PRR29: variants seen among roughly 807,000 people sequenced by gnomAD.
PRR29 encodes proline rich 29.
A neutral mutation model predicts 25.1 loss-of-function variants in PRR29; 20 were observed. The observed-to-expected ratio is 0.80, with a 90% confidence interval of 0.56 to 1.16. PRR29 has a LOEUF of 1.16. Among genes scored for constraint, PRR29 ranks in the 50% most tolerant of loss-of-function variants. The pLI is 0.00. For synonymous variants in PRR29, 108 were observed against 102.6 expected, an observed-to-expected ratio of 1.05 and a Z score of -0.32; for missense variants, 238 against 246.6, an observed-to-expected ratio of 0.97 and a Z score of 0.23.
chr17:63,998,876 C>A, intron 2 of PRR29, 92 bp from the exon 3 acceptor site: 1 of 1,327,010 alleles, frequency 7.5e-7, no homozygotes, highest in Non-Finnish European at 1.0e-6. Context: ...CGCAGCACAA[C>A]CCGCCAACCC....
chr17:64,001,881 C>T lies in PRR29; in HGVS notation c.*120C>T, dbSNP rs751712574. The T allele has an allele frequency of 6.5e-7, 1 of 1,536,732 alleles. No individual in the cohort carries two copies. The highest frequency in any genetic ancestry group is 1.2e-5 in the South Asian group (1 of 84,056). On this transcript the variant is annotated 3_prime_UTR_variant, in exon 6 of 6. Coordinates refer to ENST00000412177, the MANE Select transcript of PRR29 (RefSeq NM_001164257.2). ...CCATGGCTGGCAGTCCTTCTCACTC[C>T]CTCAACCTCAGCCAGGCCCTCTTCT...
chr17:64,000,511 A>G (rs1448364363), intron 3 of PRR29, among the ~76,000 whole-genome samples: 3 of 149,736 alleles, frequency 2.0e-5, no homozygotes, highest in African/African-American at 2.5e-5. Flanking sequence ...TTGTGTTTTT[A>G]GTAGAGACGG....
In PRR29 at chr17:64,004,216, C is replaced by A; in HGVS notation, c.*2455C>A. 2.0e-6 allele frequency: 1 copy of A among 499,016 alleles called. No individual in the cohort carries two copies. Among genetic ancestry groups the A allele is most frequent in the South Asian group, 3.2e-5 (1 of 31,386 alleles). 30.9% of individuals were successfully genotyped at this position (499,016 alleles called of 1,614,324 possible). A position where few individuals can be genotyped will look rare whatever the true frequency, so the allele number is the denominator to read the frequency against. On this transcript the variant is annotated 3_prime_UTR_variant, in exon 6 of 6. Coordinates refer to ENST00000412177, the MANE Select transcript of PRR29 (RefSeq NM_001164257.2). ...CAAGGTTCAGAAATTGTACAGCCAACTGGAAAGATATAAAAGTTTGGGTCT... is the reference window on the plus strand; with the variant it reads ...CAAGGTTCAGAAATTGTACAGCCAAATGGAAAGATATAAAAGTTTGGGTCT...
chr17:64,004,023 C>A lies in PRR29; in HGVS notation c.*2262C>A, dbSNP rs1911024858. On this transcript the variant is annotated 3_prime_UTR_variant, in exon 6 of 6. Transcript: ENST00000412177. ...ATGGGGGTGCAGTCCCAGCAGCCTC[C>A]CCCTGGCCAGGGCCATCTCCTGTCA... is the stretch of plus-strand genomic sequence containing the variant. 7.4e-7 allele frequency: 1 copy of A among 1,346,570 alleles called. No individual in the cohort carries two copies. The highest frequency in any genetic ancestry group is 1.0e-6 in the Non-Finnish European group (1 of 985,860). The allele number at this position is 1,346,570 out of a possible 1,614,324, so 83.4% of individuals were successfully genotyped here.
At chr17:64,000,655 T>TC (rs1257129034) in intron 3 of PRR29, among the ~76,000 whole-genome samples, 1 of 150,246 alleles carries the variant, frequency 6.7e-6, no homozygotes, top group East Asian at 2.0e-4. Flanking sequence ...TTTTTTTTTT[T>TC]CCTTTTTTTT....
chr17:64,002,389 C>G lies in PRR29; in HGVS notation c.*628C>G. The G allele has an allele frequency of 2.5e-6, 1 of 402,040 alleles. No individual in the cohort carries two copies. Among genetic ancestry groups the G allele is most frequent in the Non-Finnish European group, 4.6e-6 (1 of 216,596 alleles). 24.9% of individuals were successfully genotyped at this position (402,040 alleles called of 1,614,324 possible). On this transcript the variant is annotated 3_prime_UTR_variant, in exon 6 of 6. Transcript: ENST00000412177. Reference sequence around the variant, plus strand: ...TGGGGCCAGGTGGGAACAGTGTGTCCTCTGCCCCCTGGGCCAGGGTGTGTT... The same window carrying G: ...TGGGGCCAGGTGGGAACAGTGTGTCGTCTGCCCCCTGGGCCAGGGTGTGTT...
intron 3 of PRR29, 58 bp downstream of exon 3, chr17:63,999,132 C>A: frequency 7.6e-7 from 1 of 1,309,066 alleles, no homozygotes; most frequent in Non-Finnish European, 1.1e-6. Flanking sequence ...TGCGGATCCA[C>A]CTGGGGTTCC....
Position 64,001,511 on chromosome 17 carries a change from TG to T in PRR29, c.518del (p.Gly173ValfsTer89). ...PPPPPSATGT[V>X]GADVPPASDY... ...CCACCCCCCAGTGCCACAGGGACTG[TG>T]GGTGCTGATGTACCCCCGGCTTCAG... On this transcript the variant is annotated frameshift_variant, in exon 5 of 6. Transcript: ENST00000412177. LOFTEE classifies it high-confidence loss of function. The T allele has an allele frequency of 1.3e-6, 2 of 1,513,778 alleles. No individual in the cohort carries two copies. Among genetic ancestry groups the T allele is most frequent in the Non-Finnish European group, 1.8e-6 (2 of 1,135,628 alleles). The allele number at this position is 1,513,778 out of a possible 1,614,324, so 93.8% of individuals were successfully genotyped here.
rs1910944365 is a variant in PRR29, at chr17:64,003,398, C to T, written c.*1637C>T. 5.5e-6 allele frequency: 3 copies of T among 543,638 alleles called. No homozygotes were observed. Among genetic ancestry groups the T allele is most frequent in the Non-Finnish European group, 9.9e-6 (3 of 304,478 alleles). 33.7% of individuals were successfully genotyped at this position (543,638 alleles called of 1,614,324 possible). On this transcript the variant is annotated 3_prime_UTR_variant, in exon 6 of 6. Coordinates refer to ENST00000412177, the MANE Select transcript of PRR29 (RefSeq NM_001164257.2). ...GAGGGGAGCCAAGGCCAGGGAGAGCCGTCAAGGTCATGGGGCTTGATGGTG... is the reference window on the plus strand; with the variant it reads ...GAGGGGAGCCAAGGCCAGGGAGAGCTGTCAAGGTCATGGGGCTTGATGGTG...
Position 64,001,775 on chromosome 17 carries a change from C to T in PRR29, c.*14C>T. The T allele has an allele frequency of 6.5e-7, 1 of 1,537,168 alleles. No individual in the cohort carries two copies. The highest frequency in any genetic ancestry group is 8.7e-7 in the Non-Finnish European group (1 of 1,146,882). On this transcript the variant is annotated 3_prime_UTR_variant, in exon 6 of 6. Coordinates refer to ENST00000412177, the MANE Select transcript of PRR29 (RefSeq NM_001164257.2). ...AGCCTCCTATGAGGACAGACCCCGG[C>T]CCTGGGAACTGCACCAGCTTCCTGC...
chr17:64,003,569 A>G lies in PRR29; in HGVS notation c.*1808A>G, dbSNP rs922346066. The G allele has an allele frequency of 2.2e-6, 3 of 1,364,814 alleles. No homozygotes were observed. Among genetic ancestry groups the G allele is most frequent in the Middle Eastern group, 3.7e-4 (2 of 5,408 alleles). The allele number at this position is 1,364,814 out of a possible 1,614,324, so 84.5% of individuals were successfully genotyped here. ...CCTGGGTGTTTGCTTCCCAAGTGGG[A>G]CTCAAGATTTTTCTTCCCCCGAGGG... is the stretch of plus-strand genomic sequence containing the variant. On this transcript the variant is annotated 3_prime_UTR_variant, in exon 6 of 6. Coordinates refer to ENST00000412177, the MANE Select transcript of PRR29 (RefSeq NM_001164257.2).
chr17:64,000,999 A>G lies in PRR29; in HGVS notation c.244-85A>G. 3 of 1,168,970 alleles carry G rather than the reference A, an allele frequency of 2.6e-6. No homozygotes were observed. In the Admixed American group the frequency reaches 6.0e-5, roughly 23 times the overall value. 72.4% of individuals were successfully genotyped at this position (1,168,970 alleles called of 1,614,324 possible). ...TTCTTACAAAGCCTATCTGGAGGAA[A>G]TAACTTAGGGGAATGGAGGAGTGGC... is the stretch of plus-strand genomic sequence containing the variant. On this transcript the variant is annotated intron_variant, in intron 3 of 5. Transcript: ENST00000412177.
intron 1 of PRR29, 127 bp downstream of exon 1, chr17:63,998,551 A>G: frequency 8.2e-7 from 1 of 1,222,112 alleles, no homozygotes; most frequent in South Asian, 1.5e-5. Flanking sequence ...ACCGAGAGGA[A>G]GAGGCGTGGC....
chr17:63,998,798 CCCCCCACCCCA>C lies in PRR29; in HGVS notation c.136+25_136+35del. The C allele has an allele frequency of 5.6e-5, 43 of 772,936 alleles. No homozygotes were observed. The highest frequency in any genetic ancestry group is 7.6e-5 in the Non-Finnish European group (38 of 502,670). The allele number at this position is 772,936 out of a possible 1,614,324, so 47.9% of individuals were successfully genotyped here. Reference sequence around the variant, plus strand: ...GTGAAGGAAGGTGAGACTCCCGGGTCCCCCCACCCCACCCCCACCATCACCACCACTCACCC... The same window carrying C: ...GTGAAGGAAGGTGAGACTCCCGGGTCCCCCCACCATCACCACCACTCACCC... On this transcript the variant is annotated intron_variant, in intron 2 of 5. Coordinates refer to ENST00000412177, the MANE Select transcript of PRR29 (RefSeq NM_001164257.2).
rs1177901059 is a variant in PRR29, at chr17:64,003,030, G to A, written c.*1269G>A. The A allele has an allele frequency of 1.1e-5, 10 of 893,430 alleles. No individual in the cohort carries two copies. The highest frequency in any genetic ancestry group is 2.7e-5 in the East Asian group (1 of 37,702). The allele number at this position is 893,430 out of a possible 1,614,324, so 55.3% of individuals were successfully genotyped here. Reference sequence around the variant, plus strand: ...CCAACCCAGACCCCCAGACCCCGCCGCCCGCTCATGCATCCAGCAGTCACC... The same window carrying A: ...CCAACCCAGACCCCCAGACCCCGCCACCCGCTCATGCATCCAGCAGTCACC... On this transcript the variant is annotated 3_prime_UTR_variant, in exon 6 of 6. Coordinates refer to ENST00000412177, the MANE Select transcript of PRR29 (RefSeq NM_001164257.2).
rs1381527187 is a variant in PRR29 at position 63,999,089 on chromosome 17, G to A, written c.243+15G>A. On this transcript the variant is annotated intron_variant, in intron 3 of 5. Transcript: ENST00000412177. Reference sequence around the variant, plus strand: ...CCTGCCCTCAGGTGCGTGTGGGTGGGCCGCCGGGGTCGCTCACCTGTGGGT... The same window carrying A: ...CCTGCCCTCAGGTGCGTGTGGGTGGACCGCCGGGGTCGCTCACCTGTGGGT... The A allele has an allele frequency of 1.3e-6, 2 of 1,531,286 alleles. No homozygotes were observed. The highest frequency in any genetic ancestry group is 2.0e-5 in the Admixed American group (1 of 50,884). 94.9% of individuals were successfully genotyped at this position (1,531,286 alleles called of 1,614,324 possible). A position where few individuals can be genotyped will look rare whatever the true frequency, so the allele number is the denominator to read the frequency against.
Position 64,001,278 on chromosome 17 carries a change from T to C in PRR29, c.438T>C (p.Ile146=). The part of the protein sequence containing the change: ...CQPYLQDVPR[I]QHCPASRERE... Reference sequence around the variant, plus strand: ...CCTACTTGCAGGACGTGCCCAGGATTCAGCACTGTCCTGCCTCCAGGGAAA... The same window carrying C: ...CCTACTTGCAGGACGTGCCCAGGATCCAGCACTGTCCTGCCTCCAGGGAAA... Residue 146 remains isoleucine, a synonymous_variant, in exon 4 of 6, where the codon ATT becomes ATC. Coordinates refer to ENST00000412177, the MANE Select transcript of PRR29 (RefSeq NM_001164257.2). 6.5e-7 allele frequency: 1 copy of C among 1,537,176 alleles called. No individual in the cohort carries two copies. The highest frequency in any genetic ancestry group is 8.7e-7 in the Non-Finnish European group (1 of 1,146,866).
At chr17:63,999,224 A>G (rs1910391461) in intron 3 of PRR29, 150 bp downstream of exon 3, 2 of 652,558 alleles carry the variant, frequency 3.1e-6, no homozygotes, top group East Asian at 5.5e-5. Context: ...GGCATCTGTC[A>G]TGTTTCAGCC....
chr17:63,999,974 A>G (rs895300639), intron 3 of PRR29: 3 of 152,548 alleles, frequency 2.0e-5, no homozygotes, highest in Non-Finnish European at 4.4e-5. Context: ...TACTCAGCCA[A>G]TAGTGGGCAT....
Sources: allele counts gnomAD v4.1 joint callset (sites outside exome capture counted in the v4.1 genomes callset), GRCh38; gene constraint gnomAD v4.1.1; transcripts MANE v1.5; gene names NCBI Gene and HGNC (gene_info 2026-07-23, HGNC 2026-07-21).